Variants in ACSM1 observed in about 807,000 individuals in gnomAD.
ACSM1 encodes the protein acyl-CoA synthetase medium chain family member 1, also known as acyl-coenzyme A synthetase ACSM1, mitochondrial.
In ACSM1, 79 loss-of-function variants were observed where a neutral mutation model predicts 75.8. That is an observed-to-expected ratio of 1.04 (90% CI 0.87 to 1.26). ACSM1 has a LOEUF of 1.26. Ranked by LOEUF, ACSM1 falls within the 50% of genes most tolerant of loss-of-function variation. ACSM1 has a pLI of 0.00. For missense variants in ACSM1, 676 were observed against 720.1 expected (o/e 0.94, Z 0.70); for synonymous variants, 279 against 265.8 (o/e 1.05, Z -0.48).
Position 20,691,030 on chromosome 16 carries a change from A to C in ACSM1, c.159T>G (p.Ser53Arg), listed in dbSNP as rs1168073339. 1.2e-6 allele frequency: 2 copies of C among 1,613,560 alleles called. No individual in the cohort carries two copies. Among genetic ancestry groups the C allele is most frequent in the Admixed American group, 3.3e-5 (2 of 59,910 alleles). Residue 53 changes from serine to arginine, a missense_variant, in exon 2 of 14, where the codon AGT becomes AGG. Coordinates refer to ENST00000520010, the MANE Select transcript of ACSM1 (RefSeq NM_001318890.3). The stretch of plus-strand genomic sequence containing the variant: ...TTTGAGCCCAGTAGTCCAGTACATA[A>C]CTTGCAAAGTTAAATTCCTCCGGTA... ...YEVPEEFNFASYVLDYWAQKE... is the reference protein window; with the variant it reads ...YEVPEEFNFARYVLDYWAQKE...
chr16:20,692,619 G>A (rs1384489484), intron 1 of ACSM1, among the ~76,000 whole-genome samples: 1 of 152,186 alleles, frequency 6.6e-6, no homozygotes, highest in Non-Finnish European at 1.5e-5. Flanking sequence ...GGGAAGGAAG[G>A]AAAGAAAACA....
intron 6 of ACSM1, among the ~76,000 whole-genome samples, chr16:20,666,031 A>G (rs2019548280): frequency 6.6e-6 from 1 of 152,182 alleles, no homozygotes. Flanking sequence ...CATCACACTG[A>G]CCAGGCAAAA....
At chr16:20,682,095 T>C (rs1209189387) in intron 4 of ACSM1, 161 bp downstream of exon 4, 5 of 656,996 alleles carry the variant, frequency 7.6e-6, no homozygotes, top group East Asian at 2.9e-5. Flanking sequence ...AAAGGTAACC[T>C]GACTCTTTGT....
At chr16:20,682,528 C>T in intron 3 of ACSM1, 65 bp from the exon 4 acceptor site, 1 of 1,353,846 alleles carries the variant, frequency 7.4e-7, no homozygotes, top group Non-Finnish European at 1.0e-6. Context: ...TTAGACTTGG[C>T]TTGTCTGCAT....
rs191689046 is a variant in ACSM1 at position 20,672,038 on chromosome 16, T to G, written c.612-367A>C. Among the ~76,000 whole-genome samples the G allele has an allele frequency of 2.0e-3, 301 of 152,194 alleles. 3 individuals are homozygous for G. The Middle Eastern group carries it at 0.034, about 17-fold the overall frequency. ...GTTACAAATATGAACCATTCAGTAC[T>G]CAGAGCAACCCTAGGAGATGAGTAC... On this transcript the variant is annotated intron_variant, in intron 4 of 13. Transcript: ENST00000520010.
intron 1 of ACSM1, among the ~76,000 whole-genome samples, chr16:20,695,773 G>A (rs538002798): frequency 1.6e-4 from 24 of 152,068 alleles, no homozygotes; most frequent in Middle Eastern, 6.8e-3. Context: ...CTATGTCTGC[G>A]TCTATCTCTA....
At chr16:20,688,084 C>CA (rs34719963) in intron 2 of ACSM1, among the ~76,000 whole-genome samples, 1,484 of 95,358 alleles carry the variant, frequency 0.016, 23 homozygotes, top group Middle Eastern at 0.049. Context: ...AACTCTGTCT[C>CA]AAAAAAAAAA....
chr16:20,690,960 C>T lies in ACSM1; in HGVS notation c.192+37G>A, dbSNP rs766574735. 27 of 1,588,814 alleles carry T rather than the reference C, an allele frequency of 1.7e-5. No individual in the cohort carries two copies. In the Admixed American group the frequency reaches 3.9e-4, roughly 23 times the overall value. On this transcript the variant is annotated intron_variant, in intron 2 of 13. Transcript: ENST00000520010. ...AGCAAGATAAGGAAAGTGAGGCCAC[C>T]CTTGTTCTTATATCGCCATCACGGC...
chr16:20,665,236 T>G (rs1204924170), intron 6 of ACSM1, among the ~76,000 whole-genome samples: 1 of 152,086 alleles, frequency 6.6e-6, no homozygotes, highest in Non-Finnish European at 1.5e-5. Context: ...ATAAACAATA[T>G]TGATAGACTG....
chr16:20,682,228 G>T, intron 4 of ACSM1, 28 bp downstream of exon 4: 1 of 1,605,130 alleles, frequency 6.2e-7, no homozygotes, highest in Non-Finnish European at 8.5e-7. Flanking sequence ...TGTACTCAGA[G>T]ATTATATTCA....
chr16:20,647,283 G>A (rs527457622), intron 7 of ACSM1, among the ~76,000 whole-genome samples: 4 of 152,270 alleles, frequency 2.6e-5, no homozygotes, highest in East Asian at 1.9e-4. Context: ...GACCGGGTTC[G>A]CCCAGTATGA....
chr16:20,678,241 G>A (rs1174388674), intron 4 of ACSM1, among the ~76,000 whole-genome samples: 2 of 151,956 alleles, frequency 1.3e-5, no homozygotes, highest in East Asian at 3.9e-4. Flanking sequence ...TCCCTGAAAC[G>A]GTGGCCCCCA....
At chr16:20,650,099 G>A (rs1170841023) in intron 7 of ACSM1, among the ~76,000 whole-genome samples, 3 of 152,110 alleles carry the variant, frequency 2.0e-5, no homozygotes, top group Admixed American at 6.6e-5. Context: ...CTGAACCCCA[G>A]ACTTCCCTTT....
chr16:20,672,471 A>AAAATATATATAT (rs1555473775), intron 4 of ACSM1, among the ~76,000 whole-genome samples: 27 of 64,566 alleles, frequency 4.2e-4, no homozygotes, highest in Non-Finnish European at 6.1e-4. Context: ...AAAAAAAAAA[A>AAAATATATATAT]ATATATATAT....
chr16:20,685,847 CA>C (rs1491230287), intron 2 of ACSM1, among the ~76,000 whole-genome samples: 1 of 91,032 alleles, frequency 1.1e-5, no homozygotes, highest in African/African-American at 4.3e-5. Flanking sequence ...AAAAAAAAAA[CA>C]AAAAACTTAT....
At chr16:20,646,194 G>T (rs115079553) in intron 7 of ACSM1, among the ~76,000 whole-genome samples, 7 of 152,136 alleles carry the variant, frequency 4.6e-5, no homozygotes, top group South Asian at 2.1e-4. Context: ...AAAGGAAAAG[G>T]CTGGGCAAAT....
chr16:20,669,610 G>C (rs16970506), intron 6 of ACSM1, among the ~76,000 whole-genome samples: 4,130 of 152,076 alleles, frequency 0.027, 177 homozygotes, highest in African/African-American at 0.094. Flanking sequence ...CAGGTCTGAA[G>C]GATCGCCCAG....
chr16:20,674,376 A>C (rs1364249644), intron 4 of ACSM1: 1 of 207,250 alleles, frequency 4.8e-6, no homozygotes, highest in Non-Finnish European at 1.0e-5. Context: ...GATGTAATGC[A>C]TGTCTCAATT....
intron 4 of ACSM1, chr16:20,674,512 G>C (rs1046490428): frequency 6.6e-6 from 1 of 152,288 alleles, no homozygotes; most frequent in African/African-American, 2.5e-5. Context: ...TCAGTCCTTT[G>C]GATATTAATC....
Sources: allele counts gnomAD v4.1 joint callset (sites outside exome capture counted in the v4.1 genomes callset), GRCh38; gene constraint gnomAD v4.1.1; transcripts MANE v1.5; gene names NCBI Gene and HGNC (gene_info 2026-07-23, HGNC 2026-07-21).